Variants in RICTOR observed in about 807,000 individuals in gnomAD.
RICTOR encodes rapamycin-insensitive companion of mTOR.
RICTOR carries 49 observed loss-of-function variants against 214.9 expected under a neutral mutation model. The observed-to-expected ratio is 0.23, with a 90% CI of 0.18 to 0.29. The LOEUF is 0.29. Among genes scored for constraint, RICTOR ranks in the 10% least tolerant of loss-of-function variants. RICTOR has a pLI of 1.00. For synonymous variants in RICTOR, 717 were observed against 711.3 expected, an observed-to-expected ratio of 1.01 and a Z score of -0.13; for missense variants, 1,625 against 2,047.0, an observed-to-expected ratio of 0.79 and a Z score of 3.98.
Position 38,938,629 on chromosome 5 carries a change from C to G in RICTOR, c.*3675G>C, listed in dbSNP as rs1747218890. The G allele has an allele frequency of 4.3e-6, 1 of 232,512 alleles. No homozygotes were observed. Among genetic ancestry groups the G allele is most frequent in the Admixed American group, 5.6e-5 (1 of 17,760 alleles). 14.4% of individuals were successfully genotyped at this position (232,512 alleles called of 1,614,324 possible). On this transcript the variant is annotated 3_prime_UTR_variant, in exon 38 of 38. Transcript: ENST00000357387. ...GTCCACATTCTGTGAGTCATATAAA[C>G]CTACTAGGAATGAAAAATACCCTGG...
At chr5:38,954,622 G>A (rs758095043) in intron 27 of RICTOR, 152 bp downstream of exon 27, 11 of 571,394 alleles carry the variant, frequency 1.9e-5, no homozygotes, top group Admixed American at 9.5e-5. Flanking sequence ...GAATGCCTAA[G>A]TCAATTACAA....
intron 2 of RICTOR, among the ~76,000 whole-genome samples, chr5:39,028,918 A>G (rs1756065481): frequency 6.6e-6 from 1 of 152,192 alleles, no homozygotes; most frequent in African/African-American, 2.4e-5. Flanking sequence ...AACAATATTA[A>G]TAAGAAAAAA....
Position 38,965,040 on chromosome 5 carries a change from CTTAT to C in RICTOR, c.1300-152_1300-149del, listed in dbSNP as rs758016967. The C allele has an allele frequency of 9.3e-4, 465 of 500,616 alleles. 1 individual carries two copies. Among genetic ancestry groups the C allele is most frequent in the Middle Eastern group, 2.9e-3 (6 of 2,056 alleles). 31.0% of individuals were successfully genotyped at this position (500,616 alleles called of 1,614,324 possible). ...ATTAACTTATTTTCCCCAATACATG[CTTAT>C]TTATATTTTTATCATATCTATAATA... On this transcript the variant is annotated intron_variant, in intron 15 of 37. Coordinates refer to ENST00000357387, the MANE Select transcript of RICTOR (RefSeq NM_152756.5).
chr5:38,973,627 A>G (rs1163602351), intron 10 of RICTOR, among the ~76,000 whole-genome samples: 2 of 152,202 alleles, frequency 1.3e-5, no homozygotes, highest in Non-Finnish European at 2.9e-5. Context: ...AACAGTCTCT[A>G]TGTTCTCTTT....
At chr5:38,948,736 G>C (rs2112838020) in intron 31 of RICTOR, among the ~76,000 whole-genome samples, 1 of 152,190 alleles carries the variant, frequency 6.6e-6, no homozygotes, top group Admixed American at 6.6e-5. Flanking sequence ...GCCAAAGCTA[G>C]TGAGTTCCAG....
At chr5:39,009,234 T>C (rs569146517) in intron 3 of RICTOR, among the ~76,000 whole-genome samples, 1 of 152,292 alleles carries the variant, frequency 6.6e-6, no homozygotes, top group East Asian at 1.9e-4. Flanking sequence ...TAGAAAACTA[T>C]AGATTCAGAG....
At position 38,964,358 on chromosome 5, in the gene RICTOR, T is replaced by C. The variant is rs561683056; in HGVS notation, c.1400+434A>G. Among the ~76,000 whole-genome samples, 5 of 152,002 alleles carry C rather than the reference T, an allele frequency of 3.3e-5. No individual in the cohort carries two copies. The South Asian group carries it at 8.3e-4, about 25-fold the overall frequency. Reference sequence around the variant, plus strand: ...CCTTTAGTAGCAGGAGTTCAGCTTATTGCTATGTGGCCCAGTAGTACTTGT... The same window carrying C: ...CCTTTAGTAGCAGGAGTTCAGCTTACTGCTATGTGGCCCAGTAGTACTTGT... On this transcript the variant is annotated intron_variant, in intron 16 of 37. Transcript: ENST00000357387.
At chr5:39,027,535 T>C (rs530892092) in intron 2 of RICTOR, among the ~76,000 whole-genome samples, 2 of 152,296 alleles carry the variant, frequency 1.3e-5, no homozygotes, top group South Asian at 4.1e-4. Flanking sequence ...TGCTTCATTA[T>C]CATGTATTGC....
At chr5:38,950,803 AT>A (rs1363499262) in intron 30 of RICTOR, 83 bp from the exon 31 acceptor site, 610 of 1,245,124 alleles carry the variant, frequency 4.9e-4, no homozygotes, top group South Asian at 6.1e-4. Context: ...ATTTCAGGAA[AT>A]TTTTTTTTAG....
rs1320220145 is a variant in RICTOR at position 38,962,529 on chromosome 5, C to CT, written c.1623dup (p.Glu542ArgfsTer4). 1 of 1,585,968 alleles carries CT rather than the reference C, an allele frequency of 6.3e-7. No individual in the cohort carries two copies. Among genetic ancestry groups the CT allele is most frequent in the Non-Finnish European group, 8.6e-7 (1 of 1,161,658 alleles). ...AGATTCCAATTCCATTCAAGATTCT[C>CT]TTTATGTTGAAGGACTTGGCTATCT... On this transcript the variant is annotated frameshift_variant, in exon 18 of 38. Transcript: ENST00000357387. LOFTEE classifies it high-confidence loss of function.
In RICTOR at chr5:39,003,619, G is replaced by T. The variant is rs1050741127; in HGVS notation, c.199C>A (p.Leu67Ile). 1 of 1,602,410 alleles carries T rather than the reference G, an allele frequency of 6.2e-7. No individual in the cohort carries two copies. Among genetic ancestry groups the T allele is most frequent in the African/African-American group, 1.3e-5 (1 of 74,678 alleles). Residue 67 changes from leucine (L) to isoleucine (I), a missense_variant, in exon 4 of 38, where the codon CTT (leucine) becomes ATT (isoleucine). Physicochemically the swap from Leu to Ile is conservative, Grantham distance 5. Transcript: ENST00000357387. The part of the protein sequence containing the change: ...LGHLNNFTKL[L>I]CDIGHSEEKL... The stretch of plus-strand genomic sequence containing the variant: ...TCTTCACTGTGGCCAATATCACAAA[G>T]AAGCTGTCAGAAAAACAAAATAAGT...
rs924281651 is a variant in RICTOR, at chr5:38,940,430, C to G, written c.*1874G>C. ...TTAACCACTATTTGGTCTAGTAACT[C>G]TGACATTTGGTTCTCTGGAAAGGCA... On this transcript the variant is annotated 3_prime_UTR_variant, in exon 38 of 38. Coordinates refer to ENST00000357387, the MANE Select transcript of RICTOR (RefSeq NM_152756.5). 19 of 232,546 alleles carry G rather than the reference C, an allele frequency of 8.2e-5. No individual in the cohort carries two copies. The highest frequency in any genetic ancestry group is 1.4e-4 in the Non-Finnish European group (16 of 117,482). 14.4% of individuals were successfully genotyped at this position (232,546 alleles called of 1,614,324 possible). A position where few individuals can be genotyped will look rare whatever the true frequency, so the allele number is the denominator to read the frequency against.
rs556861571 is a variant in RICTOR, at chr5:39,036,241, A to T, written c.98-15105T>A. On this transcript the variant is annotated intron_variant, in intron 2 of 37. Transcript: ENST00000357387. ...AAGCTTCATAAGTGAAGGAGAAATA[A>T]AATACTTTACAGACAAGCAAATGCT... 5.6e-3 allele frequency among the ~76,000 whole-genome samples: 858 copies of T among 152,292 alleles called. 8 individuals are homozygous for T. Among genetic ancestry groups the T allele is most frequent in the African/African-American group, 0.02 (821 of 41,554 alleles).
intron 8 of RICTOR, among the ~76,000 whole-genome samples, chr5:38,980,724 T>C (rs896979264): frequency 3.9e-5 from 6 of 152,104 alleles, no homozygotes; most frequent in African/African-American, 1.2e-4. Context: ...CATGTAACTA[T>C]AGTCCCAGCT....
chr5:39,011,171 G>A (rs564262315), intron 3 of RICTOR, among the ~76,000 whole-genome samples: 19 of 152,190 alleles, frequency 1.2e-4, no homozygotes, highest in East Asian at 5.8e-4. Flanking sequence ...TATCCCAGCC[G>A]TGGCTAAAAG....
chr5:38,940,138 A>G lies in RICTOR; in HGVS notation c.*2166T>C, dbSNP rs1561426119. 1 of 207,038 alleles carries G rather than the reference A, an allele frequency of 4.8e-6. No individual in the cohort carries two copies. The highest frequency in any genetic ancestry group is 2.9e-5 in the African/African-American group (1 of 34,886). The allele number at this position is 207,038 out of a possible 1,614,324, so 12.8% of individuals were successfully genotyped here. On this transcript the variant is annotated 3_prime_UTR_variant, in exon 38 of 38. Transcript: ENST00000357387. ...ATTTTTCAAAGTAACAGTAAAAAAAAAAAACAAAAAAAAAAACACAAAACA... is the reference window on the plus strand; with the variant it reads ...ATTTTTCAAAGTAACAGTAAAAAAAGAAAACAAAAAAAAAAACACAAAACA...
intron 2 of RICTOR, among the ~76,000 whole-genome samples, chr5:39,069,416 A>T (rs1364421101): frequency 2.0e-5 from 3 of 152,186 alleles, no homozygotes; most frequent in Admixed American, 6.5e-5. Context: ...TGAAGAGAAG[A>T]TCTTAGTTCT....
At chr5:39,047,459 C>T (rs759562317) in intron 2 of RICTOR, among the ~76,000 whole-genome samples, 4 of 152,150 alleles carry the variant, frequency 2.6e-5, no homozygotes, top group Non-Finnish European at 5.9e-5. Flanking sequence ...TGTGTGGCCC[C>T]GTTCCTAACA....
At chr5:39,003,647 G>A in intron 3 of RICTOR, 25 bp from the exon 4 acceptor site, 1 of 1,483,716 alleles carries the variant, frequency 6.7e-7, no homozygotes, top group Non-Finnish European at 9.4e-7. Context: ...AAATAAGTGT[G>A]CATTTATGTG....
Sources: gnomAD v4.1 joint callset for allele counts (sites outside exome capture counted in the v4.1 genomes callset) on GRCh38, gnomAD v4.1.1 for gene constraint, MANE v1.5 for transcripts, NCBI Gene and HGNC (gene_info 2026-07-23, HGNC 2026-07-21) for gene names.